Variants in RORA observed in about 807,000 individuals in gnomAD.
The protein encoded by RORA is RAR related orphan receptor A, also known as nuclear receptor ROR-alpha.
Under a neutral mutation model 69.5 loss-of-function variants are expected in RORA, and 7 were observed. That is an observed-to-expected ratio of 0.10 (90% CI 0.06 to 0.19). The LOEUF is 0.19. Ranked by LOEUF, RORA falls within the 10% of genes least tolerant of loss-of-function variation. RORA has a pLI of 1.00. For missense variants in RORA, 457 were observed against 663.0 expected (o/e 0.69, Z 3.41); for synonymous variants, 261 against 240.8 (o/e 1.08, Z -0.78).
At chr15:61,187,412 A>T (rs1345723210) in intron 1 of RORA, among the ~76,000 whole-genome samples, 1 of 152,206 alleles carries the variant, frequency 6.6e-6, no homozygotes, top group Admixed American at 6.5e-5. Context: ...GTAGCTCTCG[A>T]GAGGAAAATC....
intron 1 of RORA, among the ~76,000 whole-genome samples, chr15:60,850,524 C>T (rs548443286): frequency 8.5e-5 from 13 of 152,268 alleles, no homozygotes; most frequent in South Asian, 6.2e-4. Context: ...ATGATATCCT[C>T]CTGAGAGGGT....
chr15:60,863,220 G>A (rs1003999278), intron 1 of RORA, among the ~76,000 whole-genome samples: 1 of 152,230 alleles, frequency 6.6e-6, no homozygotes, highest in Admixed American at 6.5e-5. Context: ...TAGTGACAGA[G>A]CCTGGGCTTG....
Position 60,850,998 on chromosome 15 carries a change from T to C in RORA, c.167-172312A>G, listed in dbSNP as rs113888687. On this transcript the variant is annotated intron_variant, in intron 1 of 10. Coordinates refer to ENST00000335670, the MANE Select transcript of RORA (RefSeq NM_134261.3). ...CCTCACACAAAGCACCGGAGCACAT[T>C]TCATTCAGTCTGTTGCTGAGTGAGT... Among the ~76,000 whole-genome samples the C allele has an allele frequency of 5.5e-3, 831 of 152,306 alleles. 3 individuals carry two copies. The highest frequency in any genetic ancestry group is 9.1e-3 in the Non-Finnish European group (616 of 68,030).
chr15:60,560,007 C>T lies in RORA; in HGVS notation c.197-28156G>A, dbSNP rs1423669649. Reference sequence around the variant, plus strand: ...AGCAACATAAGTTCTAACAATAAATCTGTGAAAATGAATTTGTGATTTTAG... The same window carrying T: ...AGCAACATAAGTTCTAACAATAAATTTGTGAAAATGAATTTGTGATTTTAG... On this transcript the variant is annotated intron_variant, in intron 2 of 10. Transcript: ENST00000335670. 3.9e-5 allele frequency among the ~76,000 whole-genome samples: 6 copies of T among 152,030 alleles called. No homozygotes were observed. In the East Asian group the frequency reaches 9.7e-4, roughly 25 times the overall value.
intron 1 of RORA, among the ~76,000 whole-genome samples, chr15:60,862,038 A>T (rs964996253): frequency 2.0e-5 from 3 of 152,366 alleles, no homozygotes; most frequent in Middle Eastern, 3.4e-3. Flanking sequence ...AGATTTTATC[A>T]TGGCTCCTGC....
intron 1 of RORA, among the ~76,000 whole-genome samples, chr15:61,085,549 A>T (rs752665175): frequency 6.6e-6 from 1 of 152,206 alleles, no homozygotes; most frequent in Non-Finnish European, 1.5e-5. Flanking sequence ...GGGCCTGAGG[A>T]TCTGCATTTC....
At chr15:60,657,378 C>G (rs573559973) in intron 2 of RORA, among the ~76,000 whole-genome samples, 6 of 152,142 alleles carry the variant, frequency 3.9e-5, no homozygotes, top group Non-Finnish European at 7.3e-5. Context: ...TGACAACTGC[C>G]GACGCAGAAT....
At chr15:60,708,882 G>T (rs967442564) in intron 1 of RORA, among the ~76,000 whole-genome samples, 1 of 152,212 alleles carries the variant, frequency 6.6e-6, no homozygotes, top group Non-Finnish European at 1.5e-5. Flanking sequence ...AAATACTGAT[G>T]ATAAGGTAAA....
At position 60,514,771 on chromosome 15, in the gene RORA, A is replaced by G. The variant is rs753510496; in HGVS notation, c.283-14T>C. On this transcript the variant is annotated splice_polypyrimidine_tract_variant and intron_variant, in intron 3 of 10. Transcript: ENST00000335670. ...CCTGAAAAAGCCCTGTGATATGGTT[A>G]TAAAATATAAAACAGGTTAGTGTCA... The G allele has an allele frequency of 3.0e-5, 48 of 1,611,122 alleles. No homozygotes were observed. The East Asian group carries it at 1.1e-3, about 36-fold the overall frequency.
At position 61,059,988 on chromosome 15, in the gene RORA, GGAAGAAGAAGAAGAAGAAGAAGAAGAA is replaced by G. The variant is rs71122901; in HGVS notation, c.166+169038_166+169064del. ...AGGAAGAGGAAGAGGAAGAGGAAGA[GGAAGAAGAAGAAGAAGAAGAAGAAGAA>G]GAAGAAGAAGAAGAAGAAGAAGAAG... On this transcript the variant is annotated intron_variant, in intron 1 of 10. Transcript: ENST00000335670. 3.1e-3 allele frequency among the ~76,000 whole-genome samples: 263 copies of G among 85,954 alleles called. 1 individual carries two copies. Among genetic ancestry groups the G allele is most frequent in the Non-Finnish European group, 4.7e-3 (204 of 43,740 alleles). The allele number at this position is 85,954 out of a possible 152,430, so 56.4% of individuals were successfully genotyped here. A position where few individuals can be genotyped will look rare whatever the true frequency, so the allele number is the denominator to read the frequency against.
intron 2 of RORA, among the ~76,000 whole-genome samples, chr15:60,581,894 T>C (rs1429932122): frequency 6.6e-6 from 1 of 152,192 alleles, no homozygotes; most frequent in East Asian, 1.9e-4. Flanking sequence ...TCACAAGAGA[T>C]ACATTGTTTC....
At chr15:60,606,547 TTG>T (rs2068951231) in intron 2 of RORA, among the ~76,000 whole-genome samples, 1 of 152,218 alleles carries the variant, frequency 6.6e-6, no homozygotes, top group South Asian at 2.1e-4. Flanking sequence ...TGTATGTAGC[TTG>T]TGTGTGATAA....
chr15:60,558,313 C>G (rs370003507), intron 2 of RORA: 3 of 1,598,822 alleles, frequency 1.9e-6, no homozygotes, highest in African/African-American at 2.7e-5. Flanking sequence ...ATCCCTGGAA[C>G]GAAAATGATA....
chr15:61,073,416 GAAT>G (rs2078398348), intron 1 of RORA, among the ~76,000 whole-genome samples: 2 of 151,874 alleles, frequency 1.3e-5, no homozygotes, highest in Admixed American at 6.6e-5. Flanking sequence ...TTCAGGGTTG[GAAT>G]GGGCAGTGAA....
intron 1 of RORA, among the ~76,000 whole-genome samples, chr15:61,118,577 A>C (rs931228139): frequency 2.0e-5 from 3 of 152,102 alleles, no homozygotes; most frequent in Admixed American, 6.5e-5. Context: ...TCATTTAGGC[A>C]CGGGGCCCCG....
rs963851294 is a variant in RORA at position 61,131,718 on chromosome 15, C to A, written c.166+97335G>T. 2.0e-5 allele frequency among the ~76,000 whole-genome samples: 3 copies of A among 152,180 alleles called. No individual in the cohort carries two copies. The highest frequency in any genetic ancestry group is 6.5e-5 in the Admixed American group (1 of 15,278). The stretch of plus-strand genomic sequence containing the variant: ...GCCAACATCGGAGCTCAATTTGGTA[C>A]AGTGGAAAAACATACTGAGCAGAAA... On this transcript the variant is annotated intron_variant, in intron 1 of 10. Coordinates refer to ENST00000335670, the MANE Select transcript of RORA (RefSeq NM_134261.3). The surrounding 1 kb of genome is among the most constrained non-coding windows in gnomAD (Gnocchi z 4.2).
At chr15:61,116,306 C>T (rs937425743) in intron 1 of RORA, among the ~76,000 whole-genome samples, 4 of 152,146 alleles carry the variant, frequency 2.6e-5, no homozygotes, top group East Asian at 1.9e-4. Flanking sequence ...ACTGCCCAAC[C>T]GTCAGCCCAG....
At chr15:60,900,288 C>T (rs751425915) in intron 1 of RORA, among the ~76,000 whole-genome samples, 43 of 144,730 alleles carry the variant, frequency 3.0e-4, no homozygotes, top group East Asian at 1.9e-3. Context: ...GATTTCGGTA[C>T]GCACACAAAA....
chr15:60,505,733 G>T, intron 5 of RORA, 104 bp from the exon 6 acceptor site: 1 of 1,351,464 alleles, frequency 7.4e-7, no homozygotes, highest in Middle Eastern at 1.9e-4. Flanking sequence ...ACAATGTGCT[G>T]TGCGAGTTTT....
Sources: gnomAD v4.1 joint callset for allele counts (sites outside exome capture counted in the v4.1 genomes callset) on GRCh38, gnomAD v4.1.1 for gene constraint, Gnocchi (gnomAD v3.1) non-coding constraint, MANE v1.5 for transcripts, NCBI Gene and HGNC (gene_info 2026-07-23, HGNC 2026-07-21) for gene names.